The following POPDC1 variants were observed in gnomAD, a reference collection of about 807,000 sequenced individuals.
POPDC1 encodes popeye domain cAMP effector 1.
chr6:105,120,990 T>C, the POPDC1 span, among the ~76,000 whole-genome samples: 3,195 of 152,294 alleles, frequency 0.021, 37 homozygotes, highest in Non-Finnish European at 0.03. Context: ...CACCAAAATA[T>C]TTACTTAATA....
the POPDC1 span, among the ~76,000 whole-genome samples, chr6:105,113,934 C>T: frequency 6.6e-6 from 1 of 150,734 alleles, no homozygotes; most frequent in African/African-American, 2.4e-5. Context: ...CAACTCCCAT[C>T]CCCCCCGCCA....
chr6:105,109,763 C>CAAAAAAAAAAAAAAAA, the POPDC1 span, among the ~76,000 whole-genome samples: 423 of 22,792 alleles, frequency 0.019, 82 homozygotes, highest in African/African-American at 0.027. Flanking sequence ...GACCCTTTCT[C>CAAAAAAAAAAAAAAAA]AAAAAAAAAA....
the POPDC1 span, chr6:105,115,753 G>A: frequency 6.2e-7 from 1 of 1,614,148 alleles, no homozygotes; most frequent in Middle Eastern, 1.7e-4. Context: ...CACTGGAGCT[G>A]GCTATACTGT....
the POPDC1 span, among the ~76,000 whole-genome samples, chr6:105,105,902 T>A: frequency 1.3e-5 from 2 of 152,230 alleles, no homozygotes; most frequent in African/African-American, 4.8e-5. Context: ...GTAAGGTTCA[T>A]GATCTCTGTA....
chr6:105,118,622 T>G, the POPDC1 span, among the ~76,000 whole-genome samples: 1 of 152,134 alleles, frequency 6.6e-6, no homozygotes, highest in African/African-American at 2.4e-5. Flanking sequence ...AATATGACAA[T>G]TTCAGGTGGC....
At chr6:105,124,707 T>A in the POPDC1 span, 1 of 1,296,002 alleles carries the variant, frequency 7.7e-7, no homozygotes, top group Non-Finnish European at 1.1e-6. Flanking sequence ...AATACCATGA[T>A]AATCCTTAAA....
chr6:105,116,431 C>G, the POPDC1 span, among the ~76,000 whole-genome samples: 2 of 152,122 alleles, frequency 1.3e-5, no homozygotes, highest in Non-Finnish European at 2.9e-5. Flanking sequence ...TCCTCCACCC[C>G]CTCTTACTCC....
At chr6:105,134,148 A>C in the POPDC1 span, among the ~76,000 whole-genome samples, 2 of 152,152 alleles carry the variant, frequency 1.3e-5, no homozygotes, top group Non-Finnish European at 2.9e-5. Flanking sequence ...ATACATACAT[A>C]ATACATTATC....
the POPDC1 span, among the ~76,000 whole-genome samples, chr6:105,132,185 C>T: frequency 6.6e-6 from 1 of 152,106 alleles, no homozygotes; most frequent in Non-Finnish European, 1.5e-5. Flanking sequence ...AAGCTGGTCT[C>T]GAACTCCTGA....
At chr6:105,116,638 C>A in the POPDC1 span, 1 of 1,355,400 alleles carries the variant, frequency 7.4e-7, no homozygotes, top group South Asian at 1.6e-5. Flanking sequence ...AAACATATTT[C>A]ATAAAGTGAA....
the POPDC1 span, among the ~76,000 whole-genome samples, chr6:105,135,177 T>C: frequency 6.6e-6 from 1 of 152,190 alleles, no homozygotes; most frequent in Non-Finnish European, 1.5e-5. Flanking sequence ...TTTATTCATC[T>C]ATGTACTTCC....
At chr6:105,118,324 G>T in the POPDC1 span, among the ~76,000 whole-genome samples, 2 of 152,242 alleles carry the variant, frequency 1.3e-5, no homozygotes, top group South Asian at 4.1e-4. Flanking sequence ...AGAATGTCTG[G>T]CTACTTTAAA....
At chr6:105,129,499 A>G in the POPDC1 span, 2 of 1,605,976 alleles carry the variant, frequency 1.2e-6, no homozygotes, top group South Asian at 1.1e-5. Context: ...TATAAAGGGT[A>G]CATCCTGTTG....
chr6:105,116,102 A>G, the POPDC1 span, among the ~76,000 whole-genome samples: 1 of 152,242 alleles, frequency 6.6e-6, no homozygotes, highest in Admixed American at 6.5e-5. Flanking sequence ...AACAGTCCAG[A>G]TAAGATGATT....
chr6:105,131,941 G>C, the POPDC1 span, among the ~76,000 whole-genome samples: 1 of 149,276 alleles, frequency 6.7e-6, no homozygotes, highest in Non-Finnish European at 1.5e-5. Context: ...TAACCTTCCA[G>C]CCTCTTTTTC....
the POPDC1 span, among the ~76,000 whole-genome samples, chr6:105,110,532 T>C: frequency 6.6e-6 from 1 of 152,224 alleles, no homozygotes; most frequent in African/African-American, 2.4e-5. Flanking sequence ...AATGCTATAA[T>C]GGCTTTTTGC....
chr6:105,113,011 A>T, the POPDC1 span, among the ~76,000 whole-genome samples: 1 of 151,898 alleles, frequency 6.6e-6, no homozygotes, highest in Admixed American at 6.6e-5. Context: ...GCTCACTGCA[A>T]CCTTGACTTC....
At chr6:105,119,090 C>A in the POPDC1 span, among the ~76,000 whole-genome samples, 1 of 148,356 alleles carries the variant, frequency 6.7e-6, no homozygotes, top group Non-Finnish European at 1.5e-5. Context: ...GAGGCTGAGG[C>A]ACAAGAATCC....
At chr6:105,133,264 G>C in the POPDC1 span, 143 of 1,183,278 alleles carry the variant, frequency 1.2e-4, 3 homozygotes, top group South Asian at 1.7e-3. Flanking sequence ...CTATGGGCCT[G>C]ACAAAGAATA....
Sources: allele counts gnomAD v4.1 joint callset (sites outside exome capture counted in the v4.1 genomes callset), GRCh38; gene constraint gnomAD v4.1.1; transcripts MANE v1.5; gene names NCBI Gene and HGNC (gene_info 2026-07-23, HGNC 2026-07-21).